ATP2A2: variants seen among roughly 807,000 people sequenced by gnomAD.
The protein encoded by ATP2A2 is ATPase sarcoplasmic/endoplasmic reticulum Ca2+ transporting 2.
ATP2A2 carries 14 observed loss-of-function variants against 109.3 expected under a neutral mutation model. The observed-to-expected ratio is 0.13, with a 90% CI of 0.08 to 0.20. ATP2A2 has a LOEUF of 0.20. Among genes scored for constraint, ATP2A2 ranks in the 10% least tolerant of loss-of-function variants. The probability of loss-of-function intolerance (pLI) is 1.00; values close to 1 mark genes in which losing one functional copy is unlikely to be tolerated. For synonymous variants in ATP2A2, 506 were observed against 490.9 expected, an observed-to-expected ratio of 1.03 and a Z score of -0.41; for missense variants, 657 against 1,321.6, an observed-to-expected ratio of 0.50 and a Z score of 7.80.
intron 3 of ATP2A2, among the ~76,000 whole-genome samples, chr12:110,283,084 C>A (rs1384328585): frequency 6.6e-6 from 1 of 152,146 alleles, no homozygotes; most frequent in Non-Finnish European, 1.5e-5. Flanking sequence ...TCAAAAAGTT[C>A]TTTTCTGGGA....
At chr12:110,293,868 A>AT (rs1401455775) in intron 4 of ATP2A2, among the ~76,000 whole-genome samples, 8 of 83,130 alleles carry the variant, frequency 9.6e-5, no homozygotes, top group African/African-American at 1.4e-4. Flanking sequence ...GTGTGTGTAT[A>AT]TATTTTTTTT....
chr12:110,346,380 G>A lies in ATP2A2; in HGVS notation c.3039G>A (p.Gly1013=). The part of the protein sequence containing the change: ...KSCSFSACTD[G]ISWPFVLLIM... The stretch of plus-strand genomic sequence containing the variant: ...GCTCGTTCTCGGCATGCACCGATGG[G>A]ATTTCCTGGCCGTTTGTGCTGCTCA... Residue 1013 remains glycine (G), a synonymous_variant, in exon 20 of 20, where the codon GGG becomes GGA. Coordinates refer to ENST00000539276, the MANE Select transcript of ATP2A2 (RefSeq NM_170665.4). 6.2e-7 allele frequency: 1 copy of A among 1,614,200 alleles called. No individual in the cohort carries two copies. Among genetic ancestry groups the A allele is most frequent in the East Asian group, 2.2e-5 (1 of 44,890 alleles).
intron 8 of ATP2A2, chr12:110,329,727 A>C (rs549706183): frequency 1.2e-4 from 18 of 152,132 alleles, no homozygotes; most frequent in African/African-American, 4.1e-4. Flanking sequence ...CGGCCATCCT[A>C]TATTTTTTGA....
At chr12:110,299,487 G>A (rs748663112) in intron 5 of ATP2A2, among the ~76,000 whole-genome samples, 2 of 152,108 alleles carry the variant, frequency 1.3e-5, no homozygotes, top group Non-Finnish European at 2.9e-5. Context: ...CAATCATCTG[G>A]GGGCACTCTT....
chr12:110,315,907 C>T (rs932553623), intron 5 of ATP2A2, among the ~76,000 whole-genome samples: 12 of 152,294 alleles, frequency 7.9e-5, no homozygotes, highest in African/African-American at 2.6e-4. Context: ...CCACTGTGCT[C>T]CAGCCTGGGT....
rs768721970 is a variant in ATP2A2 at position 110,339,995 on chromosome 12, A to G, written c.1761+274A>G. On this transcript the variant is annotated intron_variant, in intron 13 of 19. Coordinates refer to ENST00000539276, the MANE Select transcript of ATP2A2 (RefSeq NM_170665.4). This position sits in a 1 kb window ranked among gnomAD's most constrained non-coding sequence, Gnocchi z 4.4. ...GCTTGTAAACCCCATTTTGCCTCTC[A>G]TCTAAATCATGATTTTTTTTAAATT... 4.6e-5 allele frequency among the ~76,000 whole-genome samples: 7 copies of G among 152,190 alleles called. No homozygotes were observed. Among genetic ancestry groups the G allele is most frequent in the Non-Finnish European group, 7.3e-5 (5 of 68,028 alleles).
At chr12:110,345,152 G>A in intron 17 of ATP2A2, 97 bp from the exon 18 acceptor site, 1 of 1,586,540 alleles carries the variant, frequency 6.3e-7, no homozygotes, top group Non-Finnish European at 8.7e-7. Flanking sequence ...GGCTGGCTCT[G>A]CATTCAGGCT....
chr12:110,310,400 A>G (rs1251506960), intron 5 of ATP2A2, among the ~76,000 whole-genome samples: 2 of 152,190 alleles, frequency 1.3e-5, no homozygotes, highest in Non-Finnish European at 2.9e-5. Flanking sequence ...TGCTGGGATT[A>G]CAGGCATGAG....
At chr12:110,325,988 A>G (rs774170235) in intron 6 of ATP2A2, 10 of 152,378 alleles carry the variant, frequency 6.6e-5, no homozygotes, top group Middle Eastern at 3.4e-3. Context: ...CTCTGTCTCG[A>G]AAAAAAAAAA....
At position 110,324,704 on chromosome 12, in the gene ATP2A2, A is replaced by T. The variant is rs181343033; in HGVS notation, c.544+1632A>T. Reference sequence around the variant, plus strand: ...CAAAGTGCTGGGATTACAGGCATTTAAAAACTTTTTAGGCTGGTCACGGTG... The same window carrying T: ...CAAAGTGCTGGGATTACAGGCATTTTAAAACTTTTTAGGCTGGTCACGGTG... On this transcript the variant is annotated intron_variant, in intron 6 of 19. Coordinates refer to ENST00000539276, the MANE Select transcript of ATP2A2 (RefSeq NM_170665.4). Among the ~76,000 whole-genome samples, 588 of 151,816 alleles carry T rather than the reference A, an allele frequency of 3.9e-3. 6 individuals are homozygous for T. The highest frequency in any genetic ancestry group is 0.014 in the African/African-American group (573 of 41,422).
chr12:110,345,871 G>A (rs190099268), intron 18 of ATP2A2, 130 bp from the exon 19 acceptor site: 2 of 885,112 alleles, frequency 2.3e-6, no homozygotes, highest in Non-Finnish European at 3.8e-6. Context: ...TGTAGAAAGT[G>A]GAGGTAGGTC....
Position 110,347,394 on chromosome 12 carries a change from T to C in ATP2A2, c.*924T>C. The C allele has an allele frequency of 7.8e-7, 1 of 1,289,170 alleles. No individual in the cohort carries two copies. The highest frequency in any genetic ancestry group is 1.2e-5 in the South Asian group (1 of 81,022). The allele number at this position is 1,289,170 out of a possible 1,614,324, so 79.9% of individuals were successfully genotyped here. On this transcript the variant is annotated 3_prime_UTR_variant, in exon 20 of 20. Coordinates refer to ENST00000539276, the MANE Select transcript of ATP2A2 (RefSeq NM_170665.4). ...AGACATGTCCAACTTTCTCTCCAGT[T>C]CTTAGCTCAGAACTTTAGTTGTACT...
chr12:110,326,041 C>A (rs374867585), intron 6 of ATP2A2: 5 of 305,302 alleles, frequency 1.6e-5, no homozygotes, highest in Non-Finnish European at 2.6e-5. Flanking sequence ...AAGTATACAA[C>A]AAATATATGT....
At chr12:110,305,895 A>G (rs1383397716) in intron 5 of ATP2A2, among the ~76,000 whole-genome samples, 1 of 134,860 alleles carries the variant, frequency 7.4e-6, no homozygotes, top group Non-Finnish European at 1.6e-5. Context: ...TTTTTTTTTT[A>G]AGGTCTGTCA....
chr12:110,285,402 A>C (rs1478557820), intron 3 of ATP2A2, among the ~76,000 whole-genome samples: 2 of 152,168 alleles, frequency 1.3e-5, no homozygotes, highest in Non-Finnish European at 2.9e-5. Context: ...ACTTTGTTCT[A>C]AATGTAACAC....
At chr12:110,336,836 C>T (rs1176148649) in intron 11 of ATP2A2, among the ~76,000 whole-genome samples, 2 of 152,160 alleles carry the variant, frequency 1.3e-5, no homozygotes, top group African/African-American at 2.4e-5. Flanking sequence ...TCCATGAACC[C>T]GAAGCAGTCC....
chr12:110,335,281 G>C (rs1878735387), intron 11 of ATP2A2, among the ~76,000 whole-genome samples: 1 of 152,204 alleles, frequency 6.6e-6, no homozygotes, highest in Admixed American at 6.5e-5. Flanking sequence ...TGCAACGGCT[G>C]CTGGTGAAGA....
chr12:110,298,991 A>ACAGGGTCTCAATCTGTCACC (rs1874263332), intron 5 of ATP2A2, among the ~76,000 whole-genome samples: 1 of 152,192 alleles, frequency 6.6e-6, no homozygotes, highest in African/African-American at 2.4e-5. Flanking sequence ...TGAGGGGAAG[A>ACAGGGTCTCAATCTGTCACC]CAGGGTCTCA....
intron 5 of ATP2A2, among the ~76,000 whole-genome samples, chr12:110,302,886 C>T (rs1334669135): frequency 2.0e-5 from 3 of 152,010 alleles, no homozygotes; most frequent in African/African-American, 4.8e-5. Flanking sequence ...CGTGAGCCAC[C>T]GTGCCTGGCC....
Sources: gnomAD v4.1 joint callset for allele counts (sites outside exome capture counted in the v4.1 genomes callset) on GRCh38, gnomAD v4.1.1 for gene constraint, Gnocchi (gnomAD v3.1) non-coding constraint, MANE v1.5 for transcripts, NCBI Gene and HGNC (gene_info 2026-07-23, HGNC 2026-07-21) for gene names.